The following TM2D1 variants were observed in gnomAD, a reference collection of about 807,000 sequenced individuals.
TM2D1 encodes the protein TM2 domain-containing protein 1.
Under a neutral mutation model 28.4 loss-of-function variants are expected in TM2D1, and 15 were observed. The ratio of observed to expected loss-of-function variants is 0.53; its 90% confidence interval spans 0.35 to 0.81. The LOEUF (loss-of-function observed/expected upper bound fraction) is 0.81. TM2D1 is among the 40% of genes least tolerant of loss of function. The pLI, the probability that TM2D1 is intolerant of heterozygous loss-of-function variation, is 0.01. For synonymous variants in TM2D1, 93 were observed against 96.2 expected (o/e 0.97, Z 0.20); for missense variants, 236 against 254.9 (o/e 0.93, Z 0.50).
chr1:61,713,498 A>C (rs1040107418), intron 2 of TM2D1, among the ~76,000 whole-genome samples: 6 of 135,968 alleles, frequency 4.4e-5, no homozygotes, highest in South Asian at 2.1e-4. Flanking sequence ...CAAAAAAAAA[A>C]AAAAAAAAAA....
intron 5 of TM2D1, 143 bp from the exon 6 acceptor site, chr1:61,683,689 G>A: frequency 2.1e-6 from 1 of 480,824 alleles, no homozygotes; most frequent in Non-Finnish European, 3.7e-6. Flanking sequence ...GTAATTTAGT[G>A]GCTCATGTAG....
Position 61,700,864 on chromosome 1 carries a change from C to T in TM2D1, c.439+70G>A, listed in dbSNP as rs551301121. 7 of 1,083,600 alleles carry T rather than the reference C, an allele frequency of 6.5e-6. No homozygotes were observed. The South Asian group carries it at 1.0e-4, about 16-fold the overall frequency. The allele number at this position is 1,083,600 out of a possible 1,614,324, so 67.1% of individuals were successfully genotyped here. ...TATAATAAATACACAGAGATTTAAT[C>T]CATAAGAACACCTACAATGAACTAA... On this transcript the variant is annotated intron_variant, in intron 4 of 6. Transcript: ENST00000606498.
At chr1:61,714,052 C>T (rs12737816) in intron 2 of TM2D1, among the ~76,000 whole-genome samples, 2 of 146,316 alleles carry the variant, frequency 1.4e-5, no homozygotes, top group Admixed American at 6.8e-5. Flanking sequence ...CCCGCCACCG[C>T]GCCCGGCTAA....
chr1:61,691,942 T>TATATATATATAC (rs1557527352), intron 5 of TM2D1, among the ~76,000 whole-genome samples: 7 of 114,620 alleles, frequency 6.1e-5, no homozygotes, highest in African/African-American at 1.5e-4. Flanking sequence ...AATATATATA[T>TATATATATATAC]ATATATATAT....
chr1:61,712,205 CCA>C (rs1644483761), intron 2 of TM2D1, among the ~76,000 whole-genome samples: 3 of 152,012 alleles, frequency 2.0e-5, no homozygotes, highest in African/African-American at 7.2e-5. Flanking sequence ...GATAGCCTCC[CCA>C]CAACAATGAA....
intron 3 of TM2D1, among the ~76,000 whole-genome samples, chr1:61,702,229 T>C (rs1412813343): frequency 6.6e-6 from 1 of 151,886 alleles, no homozygotes; most frequent in African/African-American, 2.4e-5. Context: ...CCAAAGTTTC[T>C]GCTTAAGAAA....
At chr1:61,681,469 G>A (rs1214049434) in intron 6 of TM2D1, 119 bp from the exon 7 acceptor site, 2 of 152,092 alleles carry the variant, frequency 1.3e-5, no homozygotes, top group African/African-American at 4.8e-5. Flanking sequence ...CATTCTTGGA[G>A]CACTTCTGTA....
intron 3 of TM2D1, among the ~76,000 whole-genome samples, chr1:61,703,970 G>T (rs988538816): frequency 2.0e-5 from 3 of 151,340 alleles, no homozygotes; most frequent in Non-Finnish European, 4.4e-5. Context: ...TGTCCAGGCT[G>T]GTCTCGAACT....
At chr1:61,684,073 A>G (rs1043296172) in intron 5 of TM2D1, among the ~76,000 whole-genome samples, 5 of 152,206 alleles carry the variant, frequency 3.3e-5, no homozygotes, top group East Asian at 3.9e-4. Context: ...ATGAGGTTGT[A>G]TCATTGACAG....
chr1:61,720,298 G>T (rs761148774), intron 2 of TM2D1, among the ~76,000 whole-genome samples: 1 of 151,774 alleles, frequency 6.6e-6, no homozygotes, highest in South Asian at 2.1e-4. Flanking sequence ...CTGGAGTGCA[G>T]TGGCGTGACC....
intron 5 of TM2D1, among the ~76,000 whole-genome samples, chr1:61,691,395 TGAGGCAGAAGAATCGCTTGAACCTGG>T (rs1347475518): frequency 1.4e-5 from 2 of 147,688 alleles, no homozygotes; most frequent in Admixed American, 1.4e-4. Context: ...CTTGGGAGAC[TGAGGCAGAAGAATCGCTTGAACCTGG>T]GAGGCAGAGG....
Position 61,686,181 on chromosome 1 carries a change from TATTTTTA to T in TM2D1, c.514-2642_514-2636del, listed in dbSNP as rs1020564556. ...GAATAGAATAAGCTGATCTGTACAG[TATTTTTA>T]AAGTTTTAATGTCTTCTATAAGATT... On this transcript the variant is annotated intron_variant, in intron 5 of 6. Coordinates refer to ENST00000606498, the MANE Select transcript of TM2D1 (RefSeq NM_032027.3). Among the ~76,000 whole-genome samples the T allele has an allele frequency of 9.3e-4, 142 of 152,364 alleles. No individual in the cohort carries two copies. The Middle Eastern group carries it at 0.014, about 15-fold the overall frequency.
At chr1:61,682,923 G>C (rs1193467534) in intron 6 of TM2D1, among the ~76,000 whole-genome samples, 1 of 149,008 alleles carries the variant, frequency 6.7e-6, no homozygotes, top group Non-Finnish European at 1.5e-5. Flanking sequence ...AAAAGAAAAA[G>C]ATAAAGCTGA....
rs549104889 is a variant in TM2D1 at position 61,724,019 on chromosome 1, G to T, written c.165-233C>A. 2.0e-5 allele frequency among the ~76,000 whole-genome samples: 3 copies of T among 152,268 alleles called. No homozygotes were observed. In the South Asian group the frequency reaches 6.2e-4, roughly 32 times the overall value. On this transcript the variant is annotated intron_variant, in intron 1 of 6. Transcript: ENST00000606498. ...GGAAGAACAGCCTGGGCAACATAAC[G>T]AGAAGTCTGTCTCTACAAATAATAT...
chr1:61,714,334 A>G (rs1644501585), intron 2 of TM2D1, among the ~76,000 whole-genome samples: 1 of 151,718 alleles, frequency 6.6e-6, no homozygotes, highest in African/African-American at 2.4e-5. Flanking sequence ...CCAGGTCAGG[A>G]GTTCAAGACC....
chr1:61,720,668 C>A (rs1644556921), intron 2 of TM2D1, among the ~76,000 whole-genome samples: 1 of 152,088 alleles, frequency 6.6e-6, no homozygotes, highest in African/African-American at 2.4e-5. Flanking sequence ...AATTCTCAAT[C>A]AATAACAATA....
In TM2D1 at chr1:61,702,671, T is replaced by C. The variant is rs568942738; in HGVS notation, c.348-1646A>G. 2.1e-4 allele frequency among the ~76,000 whole-genome samples: 32 copies of C among 151,514 alleles called. No individual in the cohort carries two copies. The South Asian group carries it at 4.6e-3, about 22-fold the overall frequency. On this transcript the variant is annotated intron_variant, in intron 3 of 6. Coordinates refer to ENST00000606498, the MANE Select transcript of TM2D1 (RefSeq NM_032027.3). The stretch of plus-strand genomic sequence containing the variant: ...GAATGAGCCACCATGCCTGGTCCAA[T>C]TCAATTTTAGACCTTACCTATATAA...
At chr1:61,684,476 C>T (rs1453428880) in intron 5 of TM2D1, among the ~76,000 whole-genome samples, 6 of 152,276 alleles carry the variant, frequency 3.9e-5, no homozygotes, top group African/African-American at 1.4e-4. Flanking sequence ...GGCATATTTC[C>T]CTGAGGTGTG....
intron 3 of TM2D1, among the ~76,000 whole-genome samples, chr1:61,708,999 C>T (rs561721289): frequency 2.0e-5 from 3 of 152,086 alleles, no homozygotes; most frequent in South Asian, 2.1e-4. Flanking sequence ...GATCTCATCT[C>T]TACAAAATAA....
Sources: allele counts gnomAD v4.1 joint callset (sites outside exome capture counted in the v4.1 genomes callset), GRCh38; gene constraint gnomAD v4.1.1; transcripts MANE v1.5; gene names NCBI Gene and HGNC (gene_info 2026-07-23, HGNC 2026-07-21).